Variants in DENND6B observed in about 807,000 individuals in gnomAD.
DENND6B encodes protein DENND6B.
Under a neutral mutation model 85.1 loss-of-function variants are expected in DENND6B, and 73 were observed. The observed-to-expected ratio is 0.86, with a 90% confidence interval of 0.71 to 1.04. DENND6B has a LOEUF of 1.04. DENND6B is among the 50% of genes least tolerant of loss of function. The pLI, the probability that DENND6B is intolerant of heterozygous loss-of-function variation, is 0.00. For missense variants in DENND6B, 715 were observed against 785.8 expected (o/e 0.91, Z 1.08); for synonymous variants, 357 against 329.3 (o/e 1.08, Z -0.91).
intron 3 of DENND6B, among the ~76,000 whole-genome samples, chr22:50,318,374 C>G (rs1193785385): frequency 6.6e-6 from 1 of 152,168 alleles, no homozygotes; most frequent in East Asian, 1.9e-4. Context: ...AATGCCCAGC[C>G]CAAGGGGTCT....
chr22:50,318,057 G>T, intron 3 of DENND6B, 37 bp from the exon 4 acceptor site: 1 of 1,600,870 alleles, frequency 6.2e-7, no homozygotes, highest in South Asian at 1.1e-5. Flanking sequence ...GGTCAAGGCC[G>T]GGAGCCTCTT....
In DENND6B at chr22:50,313,007, A is replaced by C; in HGVS notation, c.1449T>G (p.Gly483=). The change falls in exon 17 of 20, where the codon GGT becomes GGG. Residue 483 remains glycine (G), a synonymous_variant. Coordinates refer to ENST00000413817, the MANE Select transcript of DENND6B (RefSeq NM_001001794.4). Reference sequence around the variant, plus strand: ...ACCTGCAGTCCACGCACCTGTAGAGACCCAGCCAGTCGCCCTTGAGGATGC... The same window carrying C: ...ACCTGCAGTCCACGCACCTGTAGAGCCCCAGCCAGTCGCCCTTGAGGATGC... ...LTCILKGDWL[G]LYRRFFKSPH... is the part of the protein sequence containing the mutation. 6.4e-7 allele frequency: 1 copy of C among 1,556,922 alleles called. No individual in the cohort carries two copies. Among genetic ancestry groups the C allele is most frequent in the South Asian group, 1.2e-5 (1 of 84,362 alleles).
intron 8 of DENND6B, 61 bp downstream of exon 8, chr22:50,315,964 G>A: frequency 6.2e-7 from 1 of 1,609,938 alleles, no homozygotes; most frequent in South Asian, 1.1e-5. Flanking sequence ...CCCGGCCCAG[G>A]AGCAGGACTC....
At position 50,313,859 on chromosome 22, in the gene DENND6B, C is replaced by G; in HGVS notation, c.1158G>C (p.Thr386=). 1 of 1,611,326 alleles carries G rather than the reference C, an allele frequency of 6.2e-7. No homozygotes were observed. The part of the protein sequence containing the change: ...DTKPGLYTAY[T]AHLHRDKALL... ...GCGCCTTGTCGCGGTGGAGGTGGGCCGTGTAAGCGGTGTAGAGGCCTGGCG... is the reference window on the plus strand; with the variant it reads ...GCGCCTTGTCGCGGTGGAGGTGGGCGGTGTAAGCGGTGTAGAGGCCTGGCG... The change falls in exon 14 of 20, where the codon ACG becomes ACC. Residue 386 remains threonine (T), a synonymous_variant. Coordinates refer to ENST00000413817, the MANE Select transcript of DENND6B (RefSeq NM_001001794.4).
intron 3 of DENND6B, among the ~76,000 whole-genome samples, chr22:50,318,345 T>TA (rs1171210151): frequency 2.0e-5 from 3 of 151,932 alleles, no homozygotes; most frequent in Non-Finnish European, 2.9e-5. Context: ...TCCGTTTAAA[T>TA]AAAAAAAGCC....
At position 50,310,487 on chromosome 22, in the gene DENND6B, C is replaced by A. The variant is rs942584189; in HGVS notation, c.*1652G>T. ...AACTACCTGGCGCCCGGACACCTGA[C>A]CCCGCTGTCCTTGTGGCTCAGTCAC... On this transcript the variant is annotated 3_prime_UTR_variant, in exon 20 of 20. Transcript: ENST00000413817. The A allele has an allele frequency of 6.6e-6, 1 of 152,372 alleles. No individual in the cohort carries two copies. The highest frequency in any genetic ancestry group is 6.5e-5 in the Admixed American group (1 of 15,304). 9.4% of individuals were successfully genotyped at this position (152,372 alleles called of 1,614,324 possible).
At chr22:50,315,026 C>A (rs2041758042) in intron 9 of DENND6B, 105 bp from the exon 10 acceptor site, 26 of 1,487,218 alleles carry the variant, frequency 1.7e-5, no homozygotes, top group Admixed American at 5.7e-5. Context: ...CACTGGTGAA[C>A]ACAGCACGCT....
chr22:50,318,292 G>A (rs1027653189), intron 3 of DENND6B, among the ~76,000 whole-genome samples: 2 of 152,184 alleles, frequency 1.3e-5, no homozygotes, highest in African/African-American at 4.8e-5. Flanking sequence ...GCAGTGAGCT[G>A]AGATGGTGCC....
intron 1 of DENND6B, chr22:50,319,448 G>C (rs2041971030): frequency 1.0e-6 from 1 of 985,338 alleles, no homozygotes; most frequent in African/African-American, 1.7e-5. Context: ...CTCTTGCCCA[G>C]ACTGCAGTTG....
chr22:50,317,090 T>TGGG, intron 5 of DENND6B: 1 of 153,010 alleles, frequency 6.5e-6, no homozygotes, highest in South Asian at 3.7e-5. Flanking sequence ...GAGGACAGGG[T>TGGG]GGGGGGGTGG....
chr22:50,317,692 G>A (rs1376433947), intron 4 of DENND6B, among the ~76,000 whole-genome samples: 2 of 152,170 alleles, frequency 1.3e-5, no homozygotes, highest in Non-Finnish European at 2.9e-5. Flanking sequence ...TGGTGCCAAG[G>A]AAAAGTCCCA....
In DENND6B at chr22:50,316,055, C is replaced by T. The variant is rs763796251; in HGVS notation, c.672G>A (p.Glu224=). Residue 224 remains glutamate, a synonymous_variant, in exon 8 of 20, where the codon GAG becomes GAA. Transcript: ENST00000413817. ...GGTCAAACTGCTTCGGAGGACTGGA[C>T]TCGGACTTGTCCACCCTGGATGGGA... ...VRIPSRVDKS[E]SSPPKQFDQE... 30 of 1,612,608 alleles carry T rather than the reference C, an allele frequency of 1.9e-5. No individual in the cohort carries two copies. Among genetic ancestry groups the T allele is most frequent in the Non-Finnish European group, 2.5e-5 (29 of 1,179,876 alleles).
At chr22:50,316,838 C>G in intron 5 of DENND6B, 1 of 1,034,812 alleles carries the variant, frequency 9.7e-7, no homozygotes, top group East Asian at 6.4e-5. Context: ...GATGACCCTC[C>G]AGCCATCAGT....
At chr22:50,313,146 G>A (rs2147765733) in intron 16 of DENND6B, 38 bp from the exon 17 acceptor site, 1 of 1,527,156 alleles carries the variant, frequency 6.5e-7, no homozygotes. Context: ...TGGGAACTCG[G>A]CCTCACAGGC....
intron 3 of DENND6B, 64 bp downstream of exon 3, chr22:50,318,783 G>A: frequency 6.3e-7 from 1 of 1,596,786 alleles, no homozygotes. Context: ...GATGCCCCTG[G>A]CCCAGGCTAC....
At chr22:50,315,058 T>G in intron 9 of DENND6B, 137 bp from the exon 10 acceptor site, 8 of 1,236,400 alleles carry the variant, frequency 6.5e-6, no homozygotes, top group African/African-American at 1.5e-5. Flanking sequence ...AAGACAGATC[T>G]ATCTGAAGAT....
chr22:50,313,776 T>A, intron 14 of DENND6B, 38 bp downstream of exon 14: 4 of 1,609,512 alleles, frequency 2.5e-6, no homozygotes, highest in Non-Finnish European at 2.5e-6. Flanking sequence ...CACACCAGGC[T>A]CCCTGCGTCC....
chr22:50,326,782 CCGCCCGCGCCCG>C lies in DENND6B; in HGVS notation c.177+18_177+29del, dbSNP rs531942009. 51 of 1,354,182 alleles carry C rather than the reference CCGCCCGCGCCCG, an allele frequency of 3.8e-5. No homozygotes were observed. The highest frequency in any genetic ancestry group is 3.8e-5 in the Non-Finnish European group (40 of 1,059,958). 83.9% of individuals were successfully genotyped at this position (1,354,182 alleles called of 1,614,324 possible). A position where few individuals can be genotyped will look rare whatever the true frequency, so the allele number is the denominator to read the frequency against. On this transcript the variant is annotated intron_variant, in intron 1 of 19. Coordinates refer to ENST00000413817, the MANE Select transcript of DENND6B (RefSeq NM_001001794.4). ...CCCCGAGAGGCGCAGCCCTGCCCAC[CCGCCCGCGCCCG>C]CGCTCGCGCCCGCTCACCTCCAGCG...
At chr22:50,323,478 G>A (rs907304715) in intron 1 of DENND6B, among the ~76,000 whole-genome samples, 17 of 151,546 alleles carry the variant, frequency 1.1e-4, no homozygotes, top group African/African-American at 4.1e-4. Context: ...TAGAGACAGG[G>A]TTTCACCATG....
Sources: gnomAD v4.1 joint callset for allele counts (sites outside exome capture counted in the v4.1 genomes callset) on GRCh38, gnomAD v4.1.1 for gene constraint, MANE v1.5 for transcripts, NCBI Gene and HGNC (gene_info 2026-07-23, HGNC 2026-07-21) for gene names.